CIITA: variants seen among roughly 807,000 people sequenced by gnomAD.
The protein encoded by CIITA is MHC class II transactivator.
In CIITA, 72 loss-of-function variants were observed where a neutral mutation model predicts 115.1. That is an observed-to-expected ratio of 0.63 (90% confidence interval 0.52 to 0.76). The LOEUF (loss-of-function observed/expected upper bound fraction) is 0.76. Ranked by LOEUF, CIITA falls within the 30% of genes least tolerant of loss-of-function variation. The pLI is 0.00. For missense variants in CIITA, 1,617 were observed against 1,463.8 expected, an observed-to-expected ratio of 1.10 and a Z score of -1.71; for synonymous variants, 763 against 635.6, an observed-to-expected ratio of 1.20 and a Z score of -3.02.
chr16:10,929,260 G>C lies in CIITA; in HGVS notation c.*5405G>C. 2 of 985,722 alleles carry C rather than the reference G, an allele frequency of 2.0e-6. No individual in the cohort carries two copies. Among genetic ancestry groups the C allele is most frequent in the South Asian group, 4.7e-5 (1 of 21,278 alleles). 61.1% of individuals were successfully genotyped at this position (985,722 alleles called of 1,614,324 possible). A position where few individuals can be genotyped will look rare whatever the true frequency, so the allele number is the denominator to read the frequency against. ...TCGCTTTTGCGTGTGTCCGCAGTTT[G>C]AAGTGTCCTCTCCGAAGGTGAAGTG... On this transcript the variant is annotated 3_prime_UTR_variant, in exon 20 of 20. Transcript: ENST00000324288. This position sits in a 1 kb window ranked among gnomAD's most constrained non-coding sequence, Gnocchi z 4.3.
At chr16:10,869,292 G>C (rs1226839966) in intron 1 of CIITA, among the ~76,000 whole-genome samples, 1 of 152,132 alleles carries the variant, frequency 6.6e-6, no homozygotes, top group African/African-American at 2.4e-5. Context: ...AGCCATGTTG[G>C]CACCCTCGCT....
rs972108477 is a variant in CIITA at position 10,929,905 on chromosome 16, C to G, written c.*6050C>G. 6.6e-6 allele frequency: 1 copy of G among 152,302 alleles called. No individual in the cohort carries two copies. Among genetic ancestry groups the G allele is most frequent in the African/African-American group, 2.4e-5 (1 of 41,432 alleles). 9.4% of individuals were successfully genotyped at this position (152,302 alleles called of 1,614,324 possible). A position where few individuals can be genotyped will look rare whatever the true frequency, so the allele number is the denominator to read the frequency against. On this transcript the variant is annotated 3_prime_UTR_variant, in exon 20 of 20. Transcript: ENST00000324288. The surrounding 1 kb of genome is among the most constrained non-coding windows in gnomAD (Gnocchi z 4.3). ...TCAGGAGTCACCCAGGGTCTGAGGG[C>G]TGACTTGCAGCTCTGGGCCAGCTGA...
At chr16:10,885,605 A>G (rs1198026130) in intron 1 of CIITA, among the ~76,000 whole-genome samples, 1 of 152,186 alleles carries the variant, frequency 6.6e-6, no homozygotes, top group African/African-American at 2.4e-5. Context: ...TGCAAACAGC[A>G]GGCTGGAGAG....
intron 15 of CIITA, among the ~76,000 whole-genome samples, chr16:10,917,624 C>A (rs954830193): frequency 3.0e-4 from 46 of 151,918 alleles, no homozygotes; most frequent in Non-Finnish European, 7.4e-5. Flanking sequence ...GAATTACAGG[C>A]ATGCACCACT....
In CIITA at chr16:10,925,943, T is replaced by C. The variant is rs999457180; in HGVS notation, c.*2088T>C. The C allele has an allele frequency of 3.3e-5, 5 of 152,240 alleles. No homozygotes were observed. The highest frequency in any genetic ancestry group is 3.3e-4 in the Admixed American group (5 of 15,278). 9.4% of individuals were successfully genotyped at this position (152,240 alleles called of 1,614,324 possible). On this transcript the variant is annotated 3_prime_UTR_variant, in exon 20 of 20. Coordinates refer to ENST00000324288, the MANE Select transcript of CIITA (RefSeq NM_000246.4). ...AGCGGAGACGGAGTCCCACCTTGGCTGCAGGGAGTCCGAAAGGGACTTGGA... is the reference window on the plus strand; with the variant it reads ...AGCGGAGACGGAGTCCCACCTTGGCCGCAGGGAGTCCGAAAGGGACTTGGA...
rs532671571 is a variant in CIITA at position 10,877,278 on chromosome 16, G to A, written c.-53G>A. 4.1e-5 allele frequency: 64 copies of A among 1,579,344 alleles called. No homozygotes were observed. The highest frequency in any genetic ancestry group is 9.1e-5 in the South Asian group (8 of 88,342). ...GCATCCTTGGGGAAGCTGAGGGCAC[G>A]AGGAGGGGCTGCCAGACTCCGGGAG... On this transcript the variant is annotated 5_prime_UTR_variant, in exon 1 of 20. Coordinates refer to ENST00000324288, the MANE Select transcript of CIITA (RefSeq NM_000246.4).
intron 13 of CIITA, among the ~76,000 whole-genome samples, chr16:10,913,882 G>C (rs191300133): frequency 0.02 from 2,972 of 151,700 alleles, 41 homozygotes; most frequent in Admixed American, 0.031. Context: ...CGGAGGTTGC[G>C]GTGAGCTGAG....
intron 1 of CIITA, among the ~76,000 whole-genome samples, chr16:10,891,390 A>G (rs1040116606): frequency 3.3e-5 from 5 of 152,132 alleles, no homozygotes; most frequent in African/African-American, 4.8e-5. Flanking sequence ...AAAGAGGTCA[A>G]GCTTGAAGGT....
chr16:10,915,518 T>G, intron 13 of CIITA, 52 bp from the exon 14 acceptor site: 28 of 1,428,296 alleles, frequency 2.0e-5, no homozygotes, highest in Non-Finnish European at 2.3e-5. Flanking sequence ...TGGGGCTGAA[T>G]GAGGGGCTGT....
In CIITA at chr16:10,941,761, T is replaced by A; in HGVS notation, n.887T>A. 6.2e-7 allele frequency: 1 copy of A among 1,612,758 alleles called. No individual in the cohort carries two copies. Among genetic ancestry groups the A allele is most frequent in the Non-Finnish European group, 8.5e-7 (1 of 1,179,412 alleles). On this transcript the variant is annotated non_coding_transcript_exon_variant, in exon 2 of 2. Coordinates refer to the CIITA transcript ENST00000573379. The surrounding 1 kb of genome is among the most constrained non-coding windows in gnomAD (Gnocchi z 6.4). ...AAAGACGTCGAGCTCCGAGTCAGCA[T>A]CGTAAAGGCCCGAGCCGGGGTCGGA...
chr16:10,874,301 G>A (rs575294416), upstream of CIITA, among the ~76,000 whole-genome samples: 1 of 152,148 alleles, frequency 6.6e-6, no homozygotes, highest in African/African-American at 2.4e-5. Flanking sequence ...GTCTTTAAGA[G>A]GCAGGAACAA....
At chr16:10,917,362 C>A (rs754582172) in intron 15 of CIITA, among the ~76,000 whole-genome samples, 1 of 152,130 alleles carries the variant, frequency 6.6e-6, no homozygotes, top group Admixed American at 6.5e-5. Flanking sequence ...TTTGTAGAGA[C>A]GTGGTTTCAC....
chr16:10,885,881 C>G (rs1211523626), intron 1 of CIITA, among the ~76,000 whole-genome samples: 2 of 152,130 alleles, frequency 1.3e-5, no homozygotes, highest in Non-Finnish European at 2.9e-5. Flanking sequence ...AACCCCTGGG[C>G]CTTTAAACCT....
At chr16:10,889,739 A>C (rs895786607) in intron 1 of CIITA, among the ~76,000 whole-genome samples, 1 of 152,062 alleles carries the variant, frequency 6.6e-6, no homozygotes, top group Admixed American at 6.6e-5. Context: ...GGCTGGTCTC[A>C]AACTCCTGAC....
chr16:10,882,071 A>G (rs2143683792), intron 1 of CIITA, among the ~76,000 whole-genome samples: 1 of 152,318 alleles, frequency 6.6e-6, no homozygotes, highest in African/African-American at 2.4e-5. Flanking sequence ...ATTTGTTGAT[A>G]GACACTTGGG....
chr16:10,875,656 T>C (rs2143368515), upstream of CIITA, among the ~76,000 whole-genome samples: 1 of 152,266 alleles, frequency 6.6e-6, no homozygotes, highest in South Asian at 2.1e-4. Flanking sequence ...CCACTCACCT[T>C]TTTTACTTAT....
intron 16 of CIITA, among the ~76,000 whole-genome samples, chr16:10,919,347 C>A (rs1392288713): frequency 2.0e-5 from 3 of 152,084 alleles, no homozygotes; most frequent in African/African-American, 4.8e-5. Context: ...TAGGCGCCCA[C>A]CACCACGTCC....
chr16:10,920,457 G>A lies in CIITA; in HGVS notation c.3150-1710G>A, dbSNP rs1567446828. Among the ~76,000 whole-genome samples, 1 of 152,170 alleles carries A rather than the reference G, an allele frequency of 6.6e-6. No homozygotes were observed. The highest frequency in any genetic ancestry group is 2.4e-5 in the African/African-American group (1 of 41,428). ...AGACAGGGCTTCGCCATGTGGCCCAGACTGGTCTTGAAATCCTGGGCCCAA... is the reference window on the plus strand; with the variant it reads ...AGACAGGGCTTCGCCATGTGGCCCAAACTGGTCTTGAAATCCTGGGCCCAA... On this transcript the variant is annotated intron_variant, in intron 16 of 19. Coordinates refer to ENST00000324288, the MANE Select transcript of CIITA (RefSeq NM_000246.4). This position sits in a 1 kb window ranked among gnomAD's most constrained non-coding sequence, Gnocchi z 4.5.
At chr16:10,903,687 T>C in intron 8 of CIITA, 44 bp from the exon 9 acceptor site, 2 of 1,611,894 alleles carry the variant, frequency 1.2e-6, no homozygotes, top group Non-Finnish European at 1.7e-6. Flanking sequence ...ATTTCTGGAA[T>C]CAATACCTGG....
Sources: allele counts gnomAD v4.1 joint callset (sites outside exome capture counted in the v4.1 genomes callset), GRCh38; gene constraint gnomAD v4.1.1; non-coding constraint Gnocchi (gnomAD v3.1); transcripts MANE v1.5; gene names NCBI Gene and HGNC (gene_info 2026-07-23, HGNC 2026-07-21).